The following STARD9 variants were observed in gnomAD, a reference collection of about 807,000 sequenced individuals.
The protein encoded by STARD9 is StAR related lipid transfer domain containing 9.
Under a neutral mutation model 399.8 loss-of-function variants are expected in STARD9, and 346 were observed. The ratio of observed to expected loss-of-function variants is 0.87; its 90% CI spans 0.79 to 0.95. The LOEUF (loss-of-function observed/expected upper bound fraction) is 0.95. Among genes scored for constraint, STARD9 ranks in the 40% least tolerant of loss-of-function variants. STARD9 has a pLI of 0.00. For missense variants in STARD9, 5,832 were observed against 5,667.5 expected, an observed-to-expected ratio of 1.03 and a Z score of -0.93; for synonymous variants, 2,203 against 2,143.5, an observed-to-expected ratio of 1.03 and a Z score of -0.77.
In STARD9 at chr15:42,689,888, G is replaced by C. The variant is rs1281491929; in HGVS notation, c.8310G>C (p.Glu2770Asp). The C allele has an allele frequency of 1.6e-5, 25 of 1,537,484 alleles. No homozygotes were observed. In the Admixed American group the frequency reaches 3.1e-4, roughly 19 times the overall value. ...AGTCAGTTCCGCAGGAGACTGCAGA[G>C]GGCATACCCCCTGGCAGTCAGGACA... ...LSQSVPQETA[E>D]GIPPGSQDSS... Residue 2770 changes from glutamate to aspartate, a missense_variant, in exon 23 of 33, where the codon GAG becomes GAC. This residue lies in a region of STARD9 where 5,828 missense variants were observed against 5,651.1 expected (regional missense o/e 1.03). Coordinates refer to ENST00000290607, the MANE Select transcript of STARD9 (RefSeq NM_020759.3).
rs1342217380 is a variant in STARD9 at position 42,693,886 on chromosome 15, C to T, written c.12308C>T (p.Ala4103Val). The change falls in exon 23 of 33, where the codon GCC becomes GTC. Residue 4103 changes from alanine to valine, a missense_variant. This residue lies in a region of STARD9 where 5,828 missense variants were observed against 5,651.1 expected (regional missense o/e 1.03). Transcript: ENST00000290607. ...LTDTAGLRGS[A>V]LGLPQACQPE... Reference sequence around the variant, plus strand: ...GATACTGCAGGGCTCCGAGGTTCTGCCTTGGGCCTCCCTCAGGCCTGCCAA... The same window carrying T: ...GATACTGCAGGGCTCCGAGGTTCTGTCTTGGGCCTCCCTCAGGCCTGCCAA... 6 of 1,531,408 alleles carry T rather than the reference C, an allele frequency of 3.9e-6. No homozygotes were observed. In the East Asian group the frequency reaches 1.2e-4, roughly 31 times the overall value. The allele number at this position is 1,531,408 out of a possible 1,614,324, so 94.9% of individuals were successfully genotyped here.
chr15:42,687,076 G>T lies in STARD9; in HGVS notation c.5498G>T (p.Gly1833Val). ...LNTREVIRES[G>V]KCPGNITEES... ...ACCAGGGAAGTCATCAGAGAATCAGGTAAATGCCCTGGAAATATTACAGAA... is the reference window on the plus strand; with the variant it reads ...ACCAGGGAAGTCATCAGAGAATCAGTTAAATGCCCTGGAAATATTACAGAA... Residue 1833 changes from glycine to valine, a missense_variant, in exon 23 of 33, where the codon GGT becomes GTT. Gly to Val is a moderately radical substitution (Grantham distance 109, BLOSUM62 -3). Transcript: ENST00000290607. 1 of 1,537,158 alleles carries T rather than the reference G, an allele frequency of 6.5e-7. No homozygotes were observed. The highest frequency in any genetic ancestry group is 8.7e-7 in the Non-Finnish European group (1 of 1,146,894).
chr15:42,577,023 C>G (rs1198734770), intron 1 of STARD9, among the ~76,000 whole-genome samples: 3 of 152,136 alleles, frequency 2.0e-5, no homozygotes, highest in African/African-American at 7.2e-5. Context: ...AGTGCAGATG[C>G]TATGCTGGAG....
Position 42,688,373 on chromosome 15 carries a change from C to T in STARD9, c.6795C>T (p.Asn2265=), listed in dbSNP as rs1166546385. ...SQVAEHVSSS[N]QEEPKAQGKV... is the part of the protein sequence containing the mutation. The stretch of plus-strand genomic sequence containing the variant: ...TAGCTGAACACGTAAGTAGTTCCAA[C>T]CAAGAAGAGCCAAAAGCTCAAGGTA... Residue 2265 remains asparagine (N), a synonymous_variant, in exon 23 of 33, where the codon AAC becomes AAT. Transcript: ENST00000290607. The T allele has an allele frequency of 1.3e-6, 2 of 1,537,132 alleles. No homozygotes were observed. Among genetic ancestry groups the T allele is most frequent in the Non-Finnish European group, 8.7e-7 (1 of 1,146,966 alleles).
intron 1 of STARD9, among the ~76,000 whole-genome samples, chr15:42,583,018 A>G (rs972470452): frequency 1.1e-4 from 16 of 152,220 alleles, no homozygotes; most frequent in Non-Finnish European, 1.9e-4. Flanking sequence ...TGCCTGTAAA[A>G]ATGATATGTT....
At chr15:42,697,366 G>A (rs867248100) in intron 26 of STARD9, among the ~76,000 whole-genome samples, 2 of 152,124 alleles carry the variant, frequency 1.3e-5, no homozygotes, top group Admixed American at 6.5e-5. Context: ...CTCCTAAAAC[G>A]CTGGGATTAC....
In STARD9 at chr15:42,621,001, G is replaced by A. The variant is rs907738827; in HGVS notation, c.235-13855G>A. On this transcript the variant is annotated intron_variant, in intron 3 of 32. Coordinates refer to ENST00000290607, the MANE Select transcript of STARD9 (RefSeq NM_020759.3). ...ACTCCTGACCTCAAGTGATCCACCC[G>A]CCTCAGCCTCCCAAAGTGCTGGGAT... 4.6e-5 allele frequency among the ~76,000 whole-genome samples: 7 copies of A among 151,986 alleles called. No homozygotes were observed. In the South Asian group the frequency reaches 6.2e-4, roughly 14 times the overall value.
At position 42,692,158 on chromosome 15, in the gene STARD9, C is replaced by T. The variant is rs1284105485; in HGVS notation, c.10580C>T (p.Ser3527Phe). 6 of 1,537,046 alleles carry T rather than the reference C, an allele frequency of 3.9e-6. No individual in the cohort carries two copies. Among genetic ancestry groups the T allele is most frequent in the Admixed American group, 2.0e-5 (1 of 50,978 alleles). The change falls in exon 23 of 33, where the codon TCC becomes TTC. Residue 3527 changes from serine to phenylalanine, a missense_variant. Coordinates refer to ENST00000290607, the MANE Select transcript of STARD9 (RefSeq NM_020759.3). Reference sequence around the variant, plus strand: ...GAAGACCAGAACTCCCCTTTCCACTCCCACCTCAGCACTTACGCCAATATT... The same window carrying T: ...GAAGACCAGAACTCCCCTTTCCACTTCCACCTCAGCACTTACGCCAATATT... ...GLEDQNSPFH[S>F]HLSTYANICD...
At chr15:42,663,727 TC>T in intron 12 of STARD9, 92 bp from the exon 13 acceptor site, 1 of 1,004,638 alleles carries the variant, frequency 1.0e-6, no homozygotes, top group Non-Finnish European at 1.5e-6. Context: ...TCATCAGGGG[TC>T]TTATACAGCA....
chr15:42,651,233 G>A (rs2059756605), intron 8 of STARD9, 148 bp downstream of exon 8: 1 of 506,856 alleles, frequency 2.0e-6, no homozygotes, highest in Non-Finnish European at 3.5e-6. Context: ...CAGAACAATA[G>A]TGTTCACAGG....
chr15:42,643,665 C>G (rs1194293437), intron 7 of STARD9, among the ~76,000 whole-genome samples: 1 of 152,044 alleles, frequency 6.6e-6, no homozygotes, highest in Non-Finnish European at 1.5e-5. Context: ...CCACGCCCAG[C>G]TAATTTTTGT....
intron 25 of STARD9, 84 bp from the exon 26 acceptor site, chr15:42,695,659 G>A (rs990119139): frequency 1.4e-6 from 2 of 1,437,740 alleles, no homozygotes; most frequent in South Asian, 1.4e-5. Context: ...AGCAGGGAAG[G>A]GGTGGCTTTG....
chr15:42,651,903 A>G (rs1486386897), intron 8 of STARD9, among the ~76,000 whole-genome samples: 2 of 152,158 alleles, frequency 1.3e-5, no homozygotes, highest in Non-Finnish European at 2.9e-5. Flanking sequence ...GCTCAGTGAG[A>G]TGCTCTTAGA....
rs774483582 is a variant in STARD9, at chr15:42,689,598, G to T, written c.8020G>T (p.Asp2674Tyr). 1 of 1,537,392 alleles carries T rather than the reference G, an allele frequency of 6.5e-7. No individual in the cohort carries two copies. The highest frequency in any genetic ancestry group is 2.4e-5 in the East Asian group (1 of 40,920). Reference sequence around the variant, plus strand: ...TTTCTCCCATGCTGCTCCTGCTCAAGACAGGAAACGTCGTACTGGAGAACT... The same window carrying T: ...TTTCTCCCATGCTGCTCCTGCTCAATACAGGAAACGTCGTACTGGAGAACT... ...QAFSHAAPAQ[D>Y]RKRRTGELRQ... Residue 2674 changes from aspartate (D) to tyrosine (Y), a missense_variant, in exon 23 of 33, where the codon GAC becomes TAC. Physicochemically the swap from Asp to Tyr is radical, Grantham distance 160 (BLOSUM62 -3). Around this residue, in one of 2 missense-constraint regions of STARD9, gnomAD observed 5,828 missense variants for 5,651.1 expected, o/e 1.03. Coordinates refer to ENST00000290607, the MANE Select transcript of STARD9 (RefSeq NM_020759.3).
At chr15:42,694,473 A>G (rs1377453785) in intron 23 of STARD9, 55 bp from the exon 24 acceptor site, 2 of 1,529,812 alleles carry the variant, frequency 1.3e-6, no homozygotes, top group Admixed American at 2.0e-5. Flanking sequence ...TCAGAGATAG[A>G]TCTTAAAGTG....
intron 3 of STARD9, among the ~76,000 whole-genome samples, chr15:42,605,262 A>G (rs778740678): frequency 6.6e-6 from 1 of 152,204 alleles, no homozygotes; most frequent in Non-Finnish European, 1.5e-5. Context: ...TGTTTGAACT[A>G]CAGCGAAAAC....
At chr15:42,695,690 G>A (rs2060829472) in intron 25 of STARD9, 53 bp from the exon 26 acceptor site, 3 of 1,513,022 alleles carry the variant, frequency 2.0e-6, no homozygotes, top group Non-Finnish European at 2.6e-6. Context: ...GGCGTGGCCT[G>A]GGGAAAGTGA....
intron 3 of STARD9, among the ~76,000 whole-genome samples, chr15:42,594,853 C>T (rs1317908225): frequency 6.6e-6 from 1 of 152,134 alleles, no homozygotes; most frequent in East Asian, 1.9e-4. Context: ...GGAAATTGCC[C>T]TATTGCCATC....
intron 3 of STARD9, among the ~76,000 whole-genome samples, chr15:42,591,318 T>C (rs2058388028): frequency 6.6e-6 from 1 of 152,098 alleles, no homozygotes; most frequent in East Asian, 1.9e-4. Context: ...CGAAACCCTG[T>C]CTCTACTAAA....
Sources: allele counts gnomAD v4.1 joint callset (sites outside exome capture counted in the v4.1 genomes callset), GRCh38; gene constraint gnomAD v4.1.1; regional missense constraint gnomAD v4.1.1; transcripts MANE v1.5; gene names NCBI Gene and HGNC (gene_info 2026-07-23, HGNC 2026-07-21).